Variants in GRIA4 observed in about 807,000 individuals in gnomAD.
GRIA4 encodes the protein glutamate receptor 4.
In GRIA4, 34 loss-of-function variants were observed where a neutral mutation model predicts 104.0. The ratio of observed to expected loss-of-function variants is 0.33; its 90% confidence interval spans 0.25 to 0.44. GRIA4 has a LOEUF of 0.44. Ranked by LOEUF, GRIA4 falls within the 20% of genes least tolerant of loss-of-function variation. The pLI, the probability that GRIA4 is intolerant of heterozygous loss-of-function variation, is 1.00. For synonymous variants in GRIA4, 386 were observed against 381.9 expected (o/e 1.01, Z -0.13); for missense variants, 750 against 1,096.5 (o/e 0.68, Z 4.46).
intron 3 of GRIA4, among the ~76,000 whole-genome samples, chr11:105,667,572 C>G (rs932821879): frequency 6.6e-6 from 1 of 151,964 alleles, no homozygotes; most frequent in Non-Finnish European, 1.5e-5. Flanking sequence ...TTTTACTTTT[C>G]AAATACAAGA....
chr11:105,825,704 A>G (rs925212980), intron 4 of GRIA4, among the ~76,000 whole-genome samples: 4 of 151,980 alleles, frequency 2.6e-5, no homozygotes, highest in African/African-American at 9.7e-5. Flanking sequence ...AGAGGATCCA[A>G]TTGGTAAAAA....
At chr11:105,876,087 G>A (rs1945809574) in intron 5 of GRIA4, among the ~76,000 whole-genome samples, 1 of 152,112 alleles carries the variant, frequency 6.6e-6, no homozygotes, top group Non-Finnish European at 1.5e-5. Flanking sequence ...TGCTTTACCT[G>A]TGTCTCAGAC....
chr11:105,673,754 T>C (rs1952447859), intron 3 of GRIA4, among the ~76,000 whole-genome samples: 1 of 151,910 alleles, frequency 6.6e-6, no homozygotes, highest in Non-Finnish European at 1.5e-5. Context: ...AAAAATAAAA[T>C]TTGGGCATTG....
At chr11:105,731,829 A>C (rs1222808888) in intron 3 of GRIA4, among the ~76,000 whole-genome samples, 4 of 152,078 alleles carry the variant, frequency 2.6e-5, no homozygotes, top group Non-Finnish European at 5.9e-5. Flanking sequence ...TTGAACAATA[A>C]AAACATATGG....
At chr11:105,787,472 CTTT>C (rs67901321) in intron 4 of GRIA4, among the ~76,000 whole-genome samples, 2 of 98,616 alleles carry the variant, frequency 2.0e-5, no homozygotes, top group African/African-American at 4.0e-5. Context: ...TAAAGAATTC[CTTT>C]TTTTTTTTTT....
intron 3 of GRIA4, chr11:105,707,229 TA>T (rs1296098993): frequency 1.3e-5 from 2 of 153,702 alleles, no homozygotes; most frequent in African/African-American, 4.8e-5. Flanking sequence ...AGGCTAACAA[TA>T]AATCTTCAGG....
At chr11:105,754,931 T>C (rs1940213589) in intron 4 of GRIA4, among the ~76,000 whole-genome samples, 1 of 152,220 alleles carries the variant, frequency 6.6e-6, no homozygotes, top group African/African-American at 2.4e-5. Flanking sequence ...GAGAGATATA[T>C]TTGGCAAAGC....
At position 105,939,068 on chromosome 11, in the gene GRIA4, C is replaced by T. The variant is rs1438408352; in HGVS notation, c.2294+5099C>T. ...TTTTTCTACATTTCTTTAAGACTCA[C>T]AAGGCATTATACATGTTTGTGATTC... On this transcript the variant is annotated intron_variant, in intron 14 of 16. Transcript: ENST00000282499. 3.3e-5 allele frequency among the ~76,000 whole-genome samples: 5 copies of T among 151,984 alleles called. No homozygotes were observed. In the South Asian group the frequency reaches 6.2e-4, roughly 19 times the overall value.
At chr11:105,714,080 G>A (rs538536786) in intron 3 of GRIA4, among the ~76,000 whole-genome samples, 1 of 152,048 alleles carries the variant, frequency 6.6e-6, no homozygotes, top group South Asian at 2.1e-4. Context: ...GAGAATTGTG[G>A]GATTTATGCC....
At chr11:105,908,940 A>G (rs1230624855) in intron 9 of GRIA4, among the ~76,000 whole-genome samples, 3 of 152,144 alleles carry the variant, frequency 2.0e-5, no homozygotes, top group Non-Finnish European at 4.4e-5. Flanking sequence ...AACAAGAATC[A>G]ACTGACTTAA....
chr11:105,629,060 G>A (rs1236231921), intron 3 of GRIA4, among the ~76,000 whole-genome samples: 2 of 128,294 alleles, frequency 1.6e-5, no homozygotes, highest in South Asian at 2.7e-4. Context: ...GCAAGATGGT[G>A]TGAAACCACT....
intron 14 of GRIA4, among the ~76,000 whole-genome samples, chr11:105,949,981 A>C (rs1470267422): frequency 1.3e-5 from 2 of 152,224 alleles, no homozygotes; most frequent in Non-Finnish European, 2.9e-5. Flanking sequence ...TAATTCTACC[A>C]TACGGGATTG....
At chr11:105,705,598 C>A (rs1213402492) in intron 3 of GRIA4, among the ~76,000 whole-genome samples, 1 of 152,022 alleles carries the variant, frequency 6.6e-6, no homozygotes, top group Non-Finnish European at 1.5e-5. Flanking sequence ...AAGAGAAAGA[C>A]CTGAACTGAC....
intron 15 of GRIA4, among the ~76,000 whole-genome samples, chr11:105,973,955 T>C (rs1015256573): frequency 2.0e-5 from 3 of 152,186 alleles, no homozygotes; most frequent in Admixed American, 1.3e-4. Flanking sequence ...TTTAAACCTG[T>C]CATTTTCAAA....
chr11:105,879,655 G>A (rs1401995550), intron 5 of GRIA4, among the ~76,000 whole-genome samples: 1 of 152,152 alleles, frequency 6.6e-6, no homozygotes, highest in African/African-American at 2.4e-5. Context: ...GGAATTAGGA[G>A]TACTTTGTAT....
At chr11:105,652,660 A>G (rs1951716814) in intron 3 of GRIA4, among the ~76,000 whole-genome samples, 1 of 152,096 alleles carries the variant, frequency 6.6e-6, no homozygotes, top group African/African-American at 2.4e-5. Flanking sequence ...TTATGACAAT[A>G]TTTTATGACT....
At chr11:105,778,859 T>C (rs1475560366) in intron 4 of GRIA4, among the ~76,000 whole-genome samples, 4 of 151,464 alleles carry the variant, frequency 2.6e-5, no homozygotes, top group Non-Finnish European at 4.4e-5. Flanking sequence ...TATGTATACA[T>C]GTGCCATGTT....
At chr11:105,641,355 A>G (rs957698292) in intron 3 of GRIA4, among the ~76,000 whole-genome samples, 10 of 152,122 alleles carry the variant, frequency 6.6e-5, no homozygotes, top group South Asian at 2.1e-4. Context: ...CATAGCCACT[A>G]TCTTCTCAGC....
At chr11:105,626,509 T>G (rs1591460518) in intron 3 of GRIA4, among the ~76,000 whole-genome samples, 1 of 152,200 alleles carries the variant, frequency 6.6e-6, no homozygotes, top group East Asian at 1.9e-4. Flanking sequence ...CATTTAAAAT[T>G]GATACAAAGC....
Sources: gnomAD v4.1 joint callset for allele counts (sites outside exome capture counted in the v4.1 genomes callset) on GRCh38, gnomAD v4.1.1 for gene constraint, MANE v1.5 for transcripts, NCBI Gene and HGNC (gene_info 2026-07-23, HGNC 2026-07-21) for gene names.